CHST4: variants seen among roughly 807,000 people sequenced by gnomAD.
CHST4 encodes the protein GST-3.
For synonymous variants in CHST4, 171 were observed against 195.5 expected (o/e 0.87, Z 1.05); for missense variants, 466 against 506.0 (o/e 0.92, Z 0.76).
At chr16:71,527,460 C>T (rs1177602674) in intron 1 of CHST4, among the ~76,000 whole-genome samples, 2 of 152,152 alleles carry the variant, frequency 1.3e-5, no homozygotes, top group Non-Finnish European at 2.9e-5. Context: ...TTAAGAAATA[C>T]ATCTAGCCAG....
chr16:71,535,518 C>T (rs537698244), intron 1 of CHST4, among the ~76,000 whole-genome samples: 15 of 152,232 alleles, frequency 9.9e-5, no homozygotes, highest in African/African-American at 3.1e-4. Context: ...CTATCACCTA[C>T]AAAAAACATT....
At chr16:71,527,495 C>A (rs935084702) in intron 1 of CHST4, among the ~76,000 whole-genome samples, 1 of 152,182 alleles carries the variant, frequency 6.6e-6, no homozygotes, top group African/African-American at 2.4e-5. Context: ...GCCTGTAATC[C>A]CAGCACTTTG....
intron 1 of CHST4, among the ~76,000 whole-genome samples, chr16:71,529,216 T>C (rs1489625258): frequency 1.3e-5 from 2 of 151,848 alleles, no homozygotes; most frequent in Admixed American, 1.3e-4. Flanking sequence ...TTTCTAAAAC[T>C]AATTTTCATA....
rs551284258 is a variant in CHST4 at position 71,538,030 on chromosome 16, G to T, written c.*192G>T. On this transcript the variant is annotated 3_prime_UTR_variant, in exon 2 of 2. Coordinates refer to ENST00000539698, the MANE Select transcript of CHST4 (RefSeq NM_001166395.2). ...GCTTGTGTCTAGAAAACAGACTGGG[G>T]AACCTTATGTGAGCAGCACATCCCA... The T allele has an allele frequency of 1.6e-6, 1 of 613,990 alleles. No individual in the cohort carries two copies. Among genetic ancestry groups the T allele is most frequent in the African/African-American group, 1.8e-5 (1 of 54,098 alleles). 38.0% of individuals were successfully genotyped at this position (613,990 alleles called of 1,614,324 possible). A position where few individuals can be genotyped will look rare whatever the true frequency, so the allele number is the denominator to read the frequency against.
chr16:71,529,107 G>GTTTTTTTTTTTTTTTTTTTTTTTTTTT (rs397717246), intron 1 of CHST4, among the ~76,000 whole-genome samples: 2 of 136,110 alleles, frequency 1.5e-5, no homozygotes, highest in Non-Finnish European at 1.6e-5. Context: ...TTTGTTTTTT[G>GTTTTTTTTTTTTTTTTTTTTTTTTTTT]TTTTTTTTTT....
At chr16:71,534,943 A>G (rs140561031) in intron 1 of CHST4, among the ~76,000 whole-genome samples, 5 of 152,350 alleles carry the variant, frequency 3.3e-5, no homozygotes, top group Non-Finnish European at 7.3e-5. Flanking sequence ...AAGGTCACCC[A>G]GAATGACAAA....
In CHST4 at chr16:71,536,779, G is replaced by A. The variant is rs75819314; in HGVS notation, c.102G>A (p.Leu34=). The change falls in exon 2 of 2, where the codon CTG becomes CTA. Residue 34 remains leucine, a synonymous_variant. Coordinates refer to ENST00000539698, the MANE Select transcript of CHST4 (RefSeq NM_001166395.2). ...FHMYSHNISS[L]SMKAQPERMH... ...TGTACAGCCACAACATCAGCTCCCT[G>A]TCTATGAAGGCACAGCCCGAGCGCA... 254 of 1,514,980 alleles carry A rather than the reference G, an allele frequency of 1.7e-4. No homozygotes were observed. In the East Asian group the frequency reaches 4.6e-3, roughly 27 times the overall value. The allele number at this position is 1,514,980 out of a possible 1,614,324, so 93.8% of individuals were successfully genotyped here. A position where few individuals can be genotyped will look rare whatever the true frequency, so the allele number is the denominator to read the frequency against.
intron 1 of CHST4, among the ~76,000 whole-genome samples, chr16:71,531,651 C>A (rs1381554810): frequency 6.6e-6 from 1 of 152,104 alleles, no homozygotes; most frequent in Non-Finnish European, 1.5e-5. Flanking sequence ...CACCAAGCCC[C>A]GCACAGGACA....
At chr16:71,527,809 T>A (rs1003987928) in intron 1 of CHST4, among the ~76,000 whole-genome samples, 1 of 151,452 alleles carries the variant, frequency 6.6e-6, no homozygotes, top group East Asian at 2.0e-4. Context: ...AGTGGTGCGA[T>A]CTCGGCTCAC....
At position 71,537,510 on chromosome 16, in the gene CHST4, A is replaced by G; in HGVS notation, c.833A>G (p.Asp278Gly). 3 of 1,614,108 alleles carry G rather than the reference A, an allele frequency of 1.9e-6. No homozygotes were observed. The highest frequency in any genetic ancestry group is 2.5e-6 in the Non-Finnish European group (3 of 1,180,016). Residue 278 changes from aspartate (D) to glycine (G), a missense_variant, in exon 2 of 2, where the codon GAC becomes GGC. Physicochemically the swap from Asp to Gly is moderately conservative, Grantham distance 94. Transcript: ENST00000539698. This position sits in a 1 kb window ranked among gnomAD's most constrained non-coding sequence, Gnocchi z 4.2. The stretch of plus-strand genomic sequence containing the variant: ...CGCTACCTGCTTGTGCGCTATGAGG[A>G]CCTGGCTCGAGCCCCTGTGGCCCAG... ...QERYLLVRYE[D>G]LARAPVAQTS...
At position 71,537,375 on chromosome 16, in the gene CHST4, A is replaced by G; in HGVS notation, c.698A>G (p.Glu233Gly). Residue 233 changes from glutamate to glycine, a missense_variant, in exon 2 of 2, where the codon GAG (glutamate) becomes GGG (glycine). By Grantham distance (98) the Glu-to-Gly change is moderately conservative (BLOSUM62 -2). Transcript: ENST00000539698. This position sits in a 1 kb window ranked among gnomAD's most constrained non-coding sequence, Gnocchi z 4.2. ...AGTCGCATTGTGATGGGGCAGCATG[A>G]GCAAAAACTCAAGAAGGAGGACCAA... ...IDSRIVMGQHEQKLKKEDQPY... is the reference protein window; with the variant it reads ...IDSRIVMGQHGQKLKKEDQPY... 9.9e-6 allele frequency: 16 copies of G among 1,614,134 alleles called. No homozygotes were observed. Among genetic ancestry groups the G allele is most frequent in the African/African-American group, 2.7e-5 (2 of 75,024 alleles).
intron 1 of CHST4, among the ~76,000 whole-genome samples, chr16:71,536,102 G>A (rs901959985): frequency 6.6e-6 from 1 of 152,200 alleles, no homozygotes; most frequent in African/African-American, 2.4e-5. Flanking sequence ...AGGGACTGGA[G>A]TGGAAAGTCC....
At chr16:71,530,060 T>G (rs2043936587) in intron 1 of CHST4, among the ~76,000 whole-genome samples, 1 of 151,288 alleles carries the variant, frequency 6.6e-6, no homozygotes, top group African/African-American at 2.4e-5. Flanking sequence ...ATCGCTTGAA[T>G]CTAGGAGGCA....
intron 1 of CHST4, among the ~76,000 whole-genome samples, chr16:71,532,027 C>A (rs374175491): frequency 6.6e-6 from 1 of 150,796 alleles, no homozygotes; most frequent in African/African-American, 2.4e-5. Flanking sequence ...GAACTAGCAG[C>A]ACATCTTAGC....
At chr16:71,530,250 T>C (rs541825918) in intron 1 of CHST4, among the ~76,000 whole-genome samples, 196 of 152,156 alleles carry the variant, frequency 1.3e-3, no homozygotes, top group African/African-American at 4.6e-3. Context: ...GAAGGAATAG[T>C]AGCTGTCCTG....
chr16:71,528,249 CA>C (rs10716662), intron 1 of CHST4, among the ~76,000 whole-genome samples: 51,212 of 109,382 alleles, frequency 0.47, 10,391 homozygotes, highest in African/African-American at 0.64. Flanking sequence ...GACTTCATTT[CA>C]AAAAAAAAAA....
At chr16:71,536,472 C>A in intron 1 of CHST4, 188 bp from the exon 2 acceptor site, 1 of 409,724 alleles carries the variant, frequency 2.4e-6, no homozygotes, top group Non-Finnish European at 4.3e-6. Flanking sequence ...AACATATCAA[C>A]ACACTAAGTG....
At chr16:71,533,426 CAAA>C (rs11299179) in intron 1 of CHST4, among the ~76,000 whole-genome samples, 2 of 98,446 alleles carry the variant, frequency 2.0e-5, no homozygotes, top group Non-Finnish European at 4.0e-5. Flanking sequence ...GACTCTGTCT[CAAA>C]AAAAAAAAAA....
intron 1 of CHST4, among the ~76,000 whole-genome samples, chr16:71,534,311 G>A (rs1367359895): frequency 6.6e-6 from 1 of 150,850 alleles, no homozygotes; most frequent in African/African-American, 2.4e-5. Context: ...ATTGTTTGAG[G>A]CCAAGAGTTC....
Sources: gnomAD v4.1 joint callset for allele counts (sites outside exome capture counted in the v4.1 genomes callset) on GRCh38, gnomAD v4.1.1 for gene constraint, Gnocchi (gnomAD v3.1) non-coding constraint, MANE v1.5 for transcripts, NCBI Gene and HGNC (gene_info 2026-07-23, HGNC 2026-07-21) for gene names.